NECAB2: variants seen among roughly 807,000 people sequenced by gnomAD.
NECAB2 encodes N-terminal EF-hand calcium-binding protein 2.
In NECAB2, 68 loss-of-function variants were observed where a neutral mutation model predicts 51.9. That is an observed-to-expected ratio of 1.31 (90% CI 1.08 to 1.60). NECAB2 has a LOEUF of 1.60. Ranked by LOEUF, NECAB2 falls within the 40% of genes most tolerant of loss-of-function variation. The pLI is 0.00. For missense variants in NECAB2, 854 were observed against 490.3 expected, an observed-to-expected ratio of 1.74 and a Z score of -7.00; for synonymous variants, 329 against 203.5, an observed-to-expected ratio of 1.62 and a Z score of -5.25.
chr16:83,997,181 T>C, intron 8 of NECAB2, 35 bp from the exon 9 acceptor site: 1 of 1,613,858 alleles, frequency 6.2e-7, no homozygotes, highest in South Asian at 1.1e-5. Context: ...AGTGGGGCTC[T>C]GGGTCTAGCA....
At chr16:83,965,902 C>T (rs761504765), upstream of NECAB2, 23 of 1,612,734 alleles carry the variant, frequency 1.4e-5, no homozygotes, top group Middle Eastern at 1.6e-4. Context: ...AGGGCCTGTA[C>T]GCCATGGGGC....
chr16:83,998,458 G>A (rs1209977339), intron 10 of NECAB2, 141 bp downstream of exon 10: 6 of 767,828 alleles, frequency 7.8e-6, no homozygotes, highest in Non-Finnish European at 1.0e-5. Flanking sequence ...GTAAGAAGTG[G>A]GTTCAGGTCT....
upstream of NECAB2, chr16:83,965,857 C>T (rs755464973): frequency 2.2e-5 from 36 of 1,612,840 alleles, no homozygotes; most frequent in South Asian, 3.3e-5. Context: ...ACCCCATTGA[C>T]GTGGACCCCT....
At chr16:83,977,501 G>A (rs2084427351) in intron 2 of NECAB2, among the ~76,000 whole-genome samples, 1 of 152,094 alleles carries the variant, frequency 6.6e-6, no homozygotes, top group African/African-American at 2.4e-5. Flanking sequence ...AGTGTCCCCA[G>A]AGCAACTGCA....
At chr16:83,992,335 C>T (rs78008906) in intron 6 of NECAB2, among the ~76,000 whole-genome samples, 8,965 of 149,756 alleles carry the variant, frequency 0.06, 371 homozygotes, top group Middle Eastern at 0.11. Context: ...GCGACATTCT[C>T]GTGGCTCAGC....
chr16:83,997,489 T>TTC (rs1486107180), intron 9 of NECAB2, among the ~76,000 whole-genome samples: 42 of 135,960 alleles, frequency 3.1e-4, no homozygotes, highest in African/African-American at 1.2e-3. Flanking sequence ...CTTTTTTTTT[T>TTC]TTTTTTTTTT....
Position 83,981,130 on chromosome 16 carries a change from C to T in NECAB2, c.459+3C>T, listed in dbSNP as rs374869002. The T allele has an allele frequency of 1.9e-6, 3 of 1,611,308 alleles. No individual in the cohort carries two copies. The highest frequency in any genetic ancestry group is 2.5e-6 in the Non-Finnish European group (3 of 1,179,202). On this transcript the variant is annotated splice_donor_region_variant and intron_variant, in intron 5 of 12. Transcript: ENST00000305202. ...AGGCCATGGGTTATACCAAGAAGGTCAGTGGGTGTAGGTGGCCCCCGGGGT... is the reference window on the plus strand; with the variant it reads ...AGGCCATGGGTTATACCAAGAAGGTTAGTGGGTGTAGGTGGCCCCCGGGGT...
intron 12 of NECAB2, 73 bp downstream of exon 12, chr16:84,001,989 A>G (rs2271302): frequency 0.15 from 221,818 of 1,503,280 alleles, 25,637 homozygotes; most frequent in African/African-American, 0.63. Flanking sequence ...AGGCTGCCCC[A>G]TATCTCCCGG....
Position 83,997,259 on chromosome 16 carries a change from G to A in NECAB2, c.839G>A (p.Gly280Asp), listed in dbSNP as rs138651354. 1,980 of 1,614,064 alleles carry A rather than the reference G, an allele frequency of 1.2e-3. 3 individuals carry two copies. The highest frequency in any genetic ancestry group is 1.6e-3 in the Admixed American group (94 of 60,010). ...DLQQRLSDED[G>D]TNMHLQLVRQ... ...CAGCAGCGCCTGTCAGATGAAGATG[G>A]CACCAACATGGTGAGGCCCCTTCCC... The change falls in exon 9 of 13, where the codon GGC (glycine) becomes GAC (aspartate). Residue 280 changes from glycine (G) to aspartate (D), a missense_variant. Gly to Asp is a moderately conservative substitution (Grantham distance 94, BLOSUM62 -1). Transcript: ENST00000305202.
intron 10 of NECAB2, 57 bp from the exon 11 acceptor site, chr16:84,000,667 A>C (rs1654418796): frequency 6.7e-7 from 1 of 1,494,038 alleles, no homozygotes; most frequent in Non-Finnish European, 9.3e-7. Flanking sequence ...GGGGAACAGC[A>C]CTGAGGTGGC....
chr16:83,997,151 C>T, intron 8 of NECAB2, 65 bp from the exon 9 acceptor site: 5 of 1,604,890 alleles, frequency 3.1e-6, no homozygotes, highest in Non-Finnish European at 3.4e-6. Flanking sequence ...GATCCCAGAG[C>T]TCCTGGCTCC....
rs1297325315 is a variant in NECAB2, at chr16:84,002,436, G to GAAGCTTCT, written c.*91_*98dup. 50 of 1,494,274 alleles carry GAAGCTTCT rather than the reference G, an allele frequency of 3.3e-5. No individual in the cohort carries two copies. The highest frequency in any genetic ancestry group is 4.4e-5 in the Non-Finnish European group (47 of 1,076,006). 92.6% of individuals were successfully genotyped at this position (1,494,274 alleles called of 1,614,324 possible). A position where few individuals can be genotyped will look rare whatever the true frequency, so the allele number is the denominator to read the frequency against. ...TTTTCTAGACAGACACTTTGGTGCA[G>GAAGCTTCT]AAGCTTCTTTTCAATCCATCCTCCA... On this transcript the variant is annotated 3_prime_UTR_variant, in exon 13 of 13. Transcript: ENST00000305202.
rs1287596751 is a variant in NECAB2, at chr16:83,981,121, C to G, written c.453C>G (p.Thr151=). Reference sequence around the variant, plus strand: ...CTGTCCTGAAGGCCATGGGTTATACCAAGAAGGTCAGTGGGTGTAGGTGGC... The same window carrying G: ...CTGTCCTGAAGGCCATGGGTTATACGAAGAAGGTCAGTGGGTGTAGGTGGC... ...NHSVLKAMGY[T]KKVYEGGSNV... Residue 151 remains threonine, a synonymous_variant, in exon 5 of 13, where the codon ACC becomes ACG. Coordinates refer to ENST00000305202, the MANE Select transcript of NECAB2 (RefSeq NM_019065.3). The G allele has an allele frequency of 6.2e-7, 1 of 1,613,012 alleles. No individual in the cohort carries two copies. The highest frequency in any genetic ancestry group is 8.5e-7 in the Non-Finnish European group (1 of 1,179,750).
At chr16:83,965,467 C>T (rs555778252), upstream of NECAB2, 167 of 1,603,446 alleles carry the variant, frequency 1.0e-4, 3 homozygotes, top group South Asian at 1.2e-3. Flanking sequence ...TGTCAGCGGC[C>T]GACGCGGTCC....
chr16:83,987,637 C>G (rs1389137488), intron 5 of NECAB2, among the ~76,000 whole-genome samples: 1 of 152,100 alleles, frequency 6.6e-6, no homozygotes, highest in African/African-American at 2.4e-5. Flanking sequence ...GTTACTAAAA[C>G]TTTTCAAAAG....
chr16:83,972,368 T>C (rs2084359172), intron 2 of NECAB2, among the ~76,000 whole-genome samples, 193 bp downstream of exon 2: 1 of 152,202 alleles, frequency 6.6e-6, no homozygotes, highest in African/African-American at 2.4e-5. Context: ...GGAATCCTAG[T>C]AGGGCCTACT....
rs150449527 is a variant in NECAB2, at chr16:84,001,708, A to ACC, written c.1041-112_1041-111dup. ...TCCCACAAAGGCTCTGAGTCCAAAGACCCCCCGTGCTTATTGATAAGCTCC... is the reference window on the plus strand; with the variant it reads ...TCCCACAAAGGCTCTGAGTCCAAAGACCCCCCCCGTGCTTATTGATAAGCTCC... On this transcript the variant is annotated intron_variant, in intron 11 of 12. Coordinates refer to ENST00000305202, the MANE Select transcript of NECAB2 (RefSeq NM_019065.3). 137 of 1,059,952 alleles carry ACC rather than the reference A, an allele frequency of 1.3e-4. No individual in the cohort carries two copies. In the African/African-American group the frequency reaches 2.2e-3, roughly 17 times the overall value. 65.7% of individuals were successfully genotyped at this position (1,059,952 alleles called of 1,614,324 possible).
At chr16:83,973,311 G>A (rs778360775) in intron 2 of NECAB2, among the ~76,000 whole-genome samples, 2 of 152,086 alleles carry the variant, frequency 1.3e-5, no homozygotes, top group Non-Finnish European at 2.9e-5. Context: ...TCCTGTTGAC[G>A]GCTCCCACCC....
At chr16:83,988,836 C>CA (rs1363376410) in intron 5 of NECAB2, among the ~76,000 whole-genome samples, 1 of 124,114 alleles carries the variant, frequency 8.1e-6, no homozygotes, top group East Asian at 2.0e-4. Flanking sequence ...CTCAGTCCCC[C>CA]CCCATTATGT....
Sources: allele counts gnomAD v4.1 joint callset (sites outside exome capture counted in the v4.1 genomes callset), GRCh38; gene constraint gnomAD v4.1.1; transcripts MANE v1.5; gene names NCBI Gene and HGNC (gene_info 2026-07-23, HGNC 2026-07-21).